The following PAK5 variants were observed in gnomAD, a reference collection of about 807,000 sequenced individuals.
PAK5 encodes serine/threonine-protein kinase PAK 5.
PAK5 carries 16 observed loss-of-function variants against 65.9 expected under a neutral mutation model. That is an observed-to-expected ratio of 0.24 (90% CI 0.16 to 0.37). PAK5 has a LOEUF of 0.37. PAK5 is among the 10% of genes least tolerant of loss of function. The pLI, the probability that PAK5 is intolerant of heterozygous loss-of-function variation, is 1.00. For missense variants in PAK5, 785 were observed against 903.9 expected (o/e 0.87, Z 1.69); for synonymous variants, 371 against 354.9 (o/e 1.05, Z -0.51).
chr20:9,712,168 C>T (rs2048085416), intron 1 of PAK5, among the ~76,000 whole-genome samples: 1 of 152,024 alleles, frequency 6.6e-6, no homozygotes, highest in South Asian at 2.1e-4. Flanking sequence ...GAAACACCAA[C>T]ATTAAGCACA....
intron 1 of PAK5, among the ~76,000 whole-genome samples, chr20:9,755,245 C>T (rs1047200689): frequency 5.9e-5 from 9 of 152,190 alleles, no homozygotes; most frequent in Admixed American, 6.5e-5. Flanking sequence ...CAATCAGCTG[C>T]AGTAAAATCT....
intron 3 of PAK5, among the ~76,000 whole-genome samples, chr20:9,610,598 C>A (rs181434746): frequency 2.8e-3 from 423 of 152,314 alleles, no homozygotes; most frequent in Middle Eastern, 0.01. Flanking sequence ...TCGGCATGTG[C>A]AAAAGATCCT....
At chr20:9,828,612 T>A (rs1014848895) in intron 1 of PAK5, among the ~76,000 whole-genome samples, 1 of 152,194 alleles carries the variant, frequency 6.6e-6, no homozygotes, top group Non-Finnish European at 1.5e-5. Flanking sequence ...GCAACACAGC[T>A]GACAGCTAAA....
intron 1 of PAK5, among the ~76,000 whole-genome samples, chr20:9,795,817 G>C (rs1305962104): frequency 1.3e-5 from 2 of 152,038 alleles, no homozygotes; most frequent in African/African-American, 4.8e-5. Flanking sequence ...CACAGAGGGA[G>C]AGAGGAAGAG....
At chr20:9,659,429 T>C (rs933508975) in intron 2 of PAK5, among the ~76,000 whole-genome samples, 1 of 152,188 alleles carries the variant, frequency 6.6e-6, no homozygotes, top group Admixed American at 6.5e-5. Flanking sequence ...GGGCTTCATA[T>C]GGGCAACTGC....
chr20:9,636,481 T>A (rs1017360812), intron 3 of PAK5, among the ~76,000 whole-genome samples: 1 of 152,126 alleles, frequency 6.6e-6, no homozygotes, highest in Non-Finnish European at 1.5e-5. Flanking sequence ...AGACAGAACC[T>A]CAGCTTTGAA....
intron 1 of PAK5, among the ~76,000 whole-genome samples, chr20:9,807,701 G>A (rs930311593): frequency 4.0e-5 from 6 of 151,382 alleles, no homozygotes; most frequent in African/African-American, 1.5e-4. Flanking sequence ...TGGGGGCCTT[G>A]TGGCTAGGTT....
intron 1 of PAK5, among the ~76,000 whole-genome samples, chr20:9,825,273 C>T (rs1399768416): frequency 1.3e-5 from 2 of 152,176 alleles, no homozygotes; most frequent in Non-Finnish European, 2.9e-5. Flanking sequence ...CAAATAAAAA[C>T]TCTAGGGACA....
intron 3 of PAK5, among the ~76,000 whole-genome samples, chr20:9,607,563 A>T (rs1247590015): frequency 6.6e-6 from 1 of 152,192 alleles, no homozygotes; most frequent in Admixed American, 6.5e-5. Flanking sequence ...ATGGCGGCTC[A>T]CACCTGTAAT....
chr20:9,565,686 G>A (rs777070799), intron 5 of PAK5, among the ~76,000 whole-genome samples: 3 of 152,074 alleles, frequency 2.0e-5, no homozygotes, highest in Non-Finnish European at 4.4e-5. Flanking sequence ...TTAGTACAGT[G>A]GCTGATACAC....
At chr20:9,610,377 T>A (rs748338054) in intron 3 of PAK5, among the ~76,000 whole-genome samples, 42 of 152,218 alleles carry the variant, frequency 2.8e-4, no homozygotes, top group Non-Finnish European at 5.3e-4. Flanking sequence ...TACTGGCAGC[T>A]ATCTCTGTTG....
chr20:9,802,266 T>C (rs1315346783), intron 1 of PAK5, among the ~76,000 whole-genome samples: 1 of 152,114 alleles, frequency 6.6e-6, no homozygotes, highest in Non-Finnish European at 1.5e-5. Context: ...TTAGGCATCA[T>C]GTGAGGTTAG....
intron 2 of PAK5, among the ~76,000 whole-genome samples, chr20:9,691,555 G>A (rs994292091): frequency 6.6e-6 from 1 of 152,132 alleles, no homozygotes; most frequent in Admixed American, 6.6e-5. Context: ...AGGCTCTTTT[G>A]CATAGGTGTC....
At chr20:9,828,686 A>G (rs2123785195) in intron 1 of PAK5, among the ~76,000 whole-genome samples, 1 of 152,348 alleles carries the variant, frequency 6.6e-6, no homozygotes, top group African/African-American at 2.4e-5. Context: ...GACCATTAGA[A>G]GCAAACACAT....
At chr20:9,611,898 C>A (rs1377590851) in intron 3 of PAK5, among the ~76,000 whole-genome samples, 1 of 152,172 alleles carries the variant, frequency 6.6e-6, no homozygotes, top group Non-Finnish European at 1.5e-5. Flanking sequence ...CCTTTCCTGC[C>A]TATTTCCTTC....
At position 9,754,070 on chromosome 20, in the gene PAK5, A is replaced by G. The variant is rs577663267; in HGVS notation, c.-161-42635T>C. 2.6e-5 allele frequency among the ~76,000 whole-genome samples: 4 copies of G among 152,156 alleles called. No homozygotes were observed. In the East Asian group the frequency reaches 7.7e-4, roughly 29 times the overall value. The stretch of plus-strand genomic sequence containing the variant: ...AAGTTTGATACTTAAGACTCCAATC[A>G]ATTCTCCCCTTCCCATATCTTTCCA... On this transcript the variant is annotated intron_variant, in intron 1 of 9. Transcript: ENST00000353224.
chr20:9,694,052 C>T (rs1312036271), intron 2 of PAK5, among the ~76,000 whole-genome samples: 1 of 151,730 alleles, frequency 6.6e-6, no homozygotes, highest in Non-Finnish European at 1.5e-5. Flanking sequence ...AGCTAGATGA[C>T]ATTGAATTGA....
In PAK5 at chr20:9,562,956, A is replaced by G; in HGVS notation, c.1551T>C (p.Asp517=). 6.2e-7 allele frequency: 1 copy of G among 1,611,362 alleles called. No homozygotes were observed. The highest frequency in any genetic ancestry group is 1.3e-5 in the African/African-American group (1 of 74,974). ...GAAACTCCATGACCACCCAGAGCTCATCGCCGACAAGGTAGCTGCTGTACA... is the reference window on the plus strand; with the variant it reads ...GAAACTCCATGACCACCCAGAGCTCGTCGCCGACAAGGTAGCTGCTGTACA... The part of the protein sequence containing the change: ...VDMYSSYLVG[D]ELWVVMEFLE... The change falls in exon 6 of 10, where the codon GAT becomes GAC. Residue 517 remains aspartate (D), a synonymous_variant. Coordinates refer to ENST00000353224, the MANE Select transcript of PAK5 (RefSeq NM_177990.4).
chr20:9,804,938 G>C (rs1431700935), intron 1 of PAK5, among the ~76,000 whole-genome samples: 1 of 151,858 alleles, frequency 6.6e-6, no homozygotes, highest in Non-Finnish European at 1.5e-5. Context: ...AGTGTGAAAA[G>C]GTGACCCACA....
Sources: allele counts gnomAD v4.1 joint callset (sites outside exome capture counted in the v4.1 genomes callset), GRCh38; gene constraint gnomAD v4.1.1; transcripts MANE v1.5; gene names NCBI Gene and HGNC (gene_info 2026-07-23, HGNC 2026-07-21).